The following RAD51B variants were observed in gnomAD, a reference collection of about 807,000 sequenced individuals.
RAD51B encodes RAD51 paralog B, also known as DNA repair protein RAD51 homolog 2.
RAD51B carries 38 observed loss-of-function variants against 42.2 expected under a neutral mutation model. The observed-to-expected ratio is 0.90, with a 90% CI of 0.70 to 1.18. The LOEUF (loss-of-function observed/expected upper bound fraction) is 1.18. Among genes scored for constraint, RAD51B ranks in the 50% most tolerant of loss-of-function variants. RAD51B has a pLI of 0.00. For synonymous variants in RAD51B, 154 were observed against 145.2 expected (o/e 1.06, Z -0.43); for missense variants, 373 against 400.7 (o/e 0.93, Z 0.59).
chr14:68,168,755 C>G (rs1050197531), intron 7 of RAD51B, among the ~76,000 whole-genome samples: 6 of 152,116 alleles, frequency 3.9e-5, no homozygotes, highest in African/African-American at 1.4e-4. Context: ...ATTTTGTATA[C>G]TTTTCAAAAA....
chr14:68,335,854 TAGCCA>T (rs2082445260), intron 8 of RAD51B, among the ~76,000 whole-genome samples: 1 of 152,124 alleles, frequency 6.6e-6, no homozygotes, highest in Admixed American at 6.5e-5. Context: ...ATTTTGGAAA[TAGCCA>T]TTAGGTTAGC....
chr14:68,183,961 G>A (rs901697916), intron 7 of RAD51B, among the ~76,000 whole-genome samples: 19 of 114,728 alleles, frequency 1.7e-4, no homozygotes, highest in African/African-American at 5.5e-4. Context: ...GCGTGGTGGC[G>A]GGCACCTGTA....
intron 10 of RAD51B, among the ~76,000 whole-genome samples, chr14:68,631,791 C>T (rs750355762): frequency 1.2e-4 from 18 of 152,156 alleles, no homozygotes; most frequent in Admixed American, 4.6e-4. Flanking sequence ...TTGAAGACGC[C>T]GCTCAGGCTC....
rs145592622 is a variant in RAD51B, at chr14:67,994,137, T to G, written c.756+106933T>G. 5.5e-3 allele frequency among the ~76,000 whole-genome samples: 839 copies of G among 152,248 alleles called. 5 individuals are homozygous for G. The highest frequency in any genetic ancestry group is 0.019 in the African/African-American group (774 of 41,544). On this transcript the variant is annotated intron_variant, in intron 7 of 10. Transcript: ENST00000471583. ...TTCTATATTTTCTTCCTTTTCCTTTTTTGGACTGTTGTTAATTTCCATATT... is the reference window on the plus strand; with the variant it reads ...TTCTATATTTTCTTCCTTTTCCTTTGTTGGACTGTTGTTAATTTCCATATT...
intron 5 of RAD51B, among the ~76,000 whole-genome samples, chr14:67,866,877 A>C (rs1429569816): frequency 6.6e-6 from 1 of 152,228 alleles, no homozygotes; most frequent in Non-Finnish European, 1.5e-5. Flanking sequence ...GCAGGTTGGA[A>C]AATGAAGAGG....
intron 7 of RAD51B, among the ~76,000 whole-genome samples, chr14:68,129,885 T>C (rs186567742): frequency 6.6e-6 from 1 of 152,308 alleles, no homozygotes. Flanking sequence ...GAACAACATT[T>C]TGAGGATCAT....
intron 7 of RAD51B, among the ~76,000 whole-genome samples, chr14:68,138,912 G>A (rs1451573098): frequency 6.6e-6 from 1 of 151,988 alleles, no homozygotes; most frequent in Non-Finnish European, 1.5e-5. Flanking sequence ...CCTTTTTGAT[G>A]AAGTCAAAGA....
intron 8 of RAD51B, among the ~76,000 whole-genome samples, chr14:68,394,071 G>A (rs1412331133): frequency 6.6e-6 from 1 of 152,186 alleles, no homozygotes; most frequent in Non-Finnish European, 1.5e-5. Flanking sequence ...GCAGGAGCAG[G>A]GCTGAATTTT....
At chr14:68,537,155 T>C (rs139674480) in intron 10 of RAD51B, among the ~76,000 whole-genome samples, 282 of 149,514 alleles carry the variant, frequency 1.9e-3, no homozygotes, top group Non-Finnish European at 3.2e-3. Flanking sequence ...ATAGCACATG[T>C]CCCTGAATAG....
intron 8 of RAD51B, among the ~76,000 whole-genome samples, chr14:68,313,721 C>G (rs1416352611): frequency 6.6e-6 from 1 of 152,206 alleles, no homozygotes; most frequent in African/African-American, 2.4e-5. Flanking sequence ...TCCTTCACCT[C>G]TAGCTTGCAG....
intron 7 of RAD51B, among the ~76,000 whole-genome samples, chr14:67,959,760 A>T (rs1032144162): frequency 2.6e-5 from 4 of 152,212 alleles, no homozygotes; most frequent in African/African-American, 9.6e-5. Context: ...ATAATAAGAC[A>T]TTCTTTGTAA....
chr14:68,053,563 G>C (rs985813132), intron 7 of RAD51B, among the ~76,000 whole-genome samples: 1 of 152,208 alleles, frequency 6.6e-6, no homozygotes, highest in Non-Finnish European at 1.5e-5. Flanking sequence ...CTTAATGATA[G>C]AGACTGAGAA....
intron 10 of RAD51B, among the ~76,000 whole-genome samples, chr14:68,488,688 T>G (rs1026056215): frequency 6.6e-6 from 1 of 152,244 alleles, no homozygotes; most frequent in Non-Finnish European, 1.5e-5. Flanking sequence ...CCCTGCTCTT[T>G]GGCTACACAT....
At chr14:68,175,748 C>A (rs1399281528) in intron 7 of RAD51B, among the ~76,000 whole-genome samples, 3 of 152,122 alleles carry the variant, frequency 2.0e-5, no homozygotes, top group Non-Finnish European at 4.4e-5. Flanking sequence ...GTACAGAGTA[C>A]TGGTAGAAAA....
Position 68,069,044 on chromosome 14 carries a change from C to T in RAD51B, c.756+181840C>T, listed in dbSNP as rs547742678. On this transcript the variant is annotated intron_variant, in intron 7 of 10. Coordinates refer to ENST00000471583, the MANE Select transcript of RAD51B (RefSeq NM_133510.4). The stretch of plus-strand genomic sequence containing the variant: ...AGATTTTCTAAGATTCTTACACTAC[C>T]ATTCTAAAGTTGCTTTAGTATTCTT... 9.0e-4 allele frequency among the ~76,000 whole-genome samples: 137 copies of T among 152,236 alleles called. 1 individual carries two copies. The highest frequency in any genetic ancestry group is 3.2e-3 in the African/African-American group (135 of 41,548).
At chr14:68,563,131 A>G in intron 10 of RAD51B, 1 of 985,414 alleles carries the variant, frequency 1.0e-6, no homozygotes, top group Non-Finnish European at 1.2e-6. Context: ...AGGGCTTCAC[A>G]TTTGACTTGG....
intron 7 of RAD51B, among the ~76,000 whole-genome samples, chr14:68,251,413 A>G (rs2080631560): frequency 6.6e-6 from 1 of 152,194 alleles, no homozygotes; most frequent in Non-Finnish European, 1.5e-5. Context: ...CTATACAAGG[A>G]AAGAGGTCCC....
At chr14:68,524,825 G>T (rs1886818654) in intron 10 of RAD51B, among the ~76,000 whole-genome samples, 2 of 152,174 alleles carry the variant, frequency 1.3e-5, no homozygotes, top group South Asian at 2.1e-4. Context: ...TCTGAGGCAG[G>T]TCTCCAACGA....
intron 7 of RAD51B, among the ~76,000 whole-genome samples, chr14:67,960,855 G>A (rs902212010): frequency 6.6e-6 from 1 of 152,070 alleles, no homozygotes; most frequent in South Asian, 2.1e-4. Context: ...TTTTTGTAGA[G>A]ACAGGGTCTG....
Sources: allele counts gnomAD v4.1 joint callset (sites outside exome capture counted in the v4.1 genomes callset), GRCh38; gene constraint gnomAD v4.1.1; transcripts MANE v1.5; gene names NCBI Gene and HGNC (gene_info 2026-07-23, HGNC 2026-07-21).